MTSS1: variants seen among roughly 807,000 people sequenced by gnomAD.
MTSS1 encodes MTSS I-BAR domain containing 1.
In MTSS1, 18 loss-of-function variants were observed where a neutral mutation model predicts 79.0. That is an observed-to-expected ratio of 0.23 (90% CI 0.16 to 0.34). The LOEUF (loss-of-function observed/expected upper bound fraction) is 0.34. Ranked by LOEUF, MTSS1 falls within the 10% of genes least tolerant of loss-of-function variation. The pLI is 1.00. For missense variants in MTSS1, 815 were observed against 986.2 expected (o/e 0.83, Z 2.33); for synonymous variants, 341 against 368.6 (o/e 0.93, Z 0.86).
intron 3 of MTSS1, among the ~76,000 whole-genome samples, chr8:124,693,733 T>C: frequency 6.6e-6 from 1 of 152,180 alleles, no homozygotes; most frequent in East Asian, 1.9e-4. Context: ...CCTTTTCTCT[T>C]CTAACCTTCT....
intron 6 of MTSS1, among the ~76,000 whole-genome samples, chr8:124,583,361 G>A (rs1360725593): frequency 6.6e-6 from 1 of 152,164 alleles, no homozygotes; most frequent in Non-Finnish European, 1.5e-5. Flanking sequence ...ATCCAGCCTT[G>A]ATAGGGAGCT....
At chr8:124,696,080 C>T (rs1289083492) in intron 3 of MTSS1, among the ~76,000 whole-genome samples, 4 of 152,096 alleles carry the variant, frequency 2.6e-5, no homozygotes, top group South Asian at 2.1e-4. Context: ...CTCCACCTCC[C>T]GAGTTCAAGC....
chr8:124,696,590 C>T (rs1828860921), intron 3 of MTSS1, among the ~76,000 whole-genome samples: 1 of 152,080 alleles, frequency 6.6e-6, no homozygotes, highest in African/African-American at 2.4e-5. Flanking sequence ...CGGTGGCTCC[C>T]GCCTGTAATC....
rs368346561 is a variant in MTSS1, at chr8:124,728,018, G to A, written c.-63C>T. 7.3e-4 allele frequency: 1,074 copies of A among 1,481,058 alleles called. 1 individual carries two copies. The highest frequency in any genetic ancestry group is 8.7e-4 in the Non-Finnish European group (932 of 1,069,522). The allele number at this position is 1,481,058 out of a possible 1,614,324, so 91.7% of individuals were successfully genotyped here. A position where few individuals can be genotyped will look rare whatever the true frequency, so the allele number is the denominator to read the frequency against. On this transcript the variant is annotated 5_prime_UTR_variant, in exon 1 of 14. Coordinates refer to ENST00000518547, the MANE Select transcript of MTSS1 (RefSeq NM_014751.6). The surrounding 1 kb of genome is among the most constrained non-coding windows in gnomAD (Gnocchi z 6.1). Reference sequence around the variant, plus strand: ...GCCGCTGGACTGCGCGCGGGGCCGGGGCTCGCTCACCCCAGAAGGAATTTC... The same window carrying A: ...GCCGCTGGACTGCGCGCGGGGCCGGAGCTCGCTCACCCCAGAAGGAATTTC...
At chr8:124,713,024 T>C (rs1831396089) in intron 1 of MTSS1, among the ~76,000 whole-genome samples, 1 of 152,204 alleles carries the variant, frequency 6.6e-6, no homozygotes, top group African/African-American at 2.4e-5. Flanking sequence ...GTCATTTTCT[T>C]AAGTTTTCCA....
chr8:124,587,757 G>T (rs752684598), intron 5 of MTSS1, among the ~76,000 whole-genome samples: 3 of 151,952 alleles, frequency 2.0e-5, no homozygotes, highest in Non-Finnish European at 4.4e-5. Context: ...CACCCGCCTC[G>T]GCCTCCCAAA....
chr8:124,704,042 C>A, intron 2 of MTSS1, 88 bp downstream of exon 2: 3 of 1,202,434 alleles, frequency 2.5e-6, no homozygotes, highest in Middle Eastern at 2.0e-4. Flanking sequence ...CCTGAATCAA[C>A]CCTAATCAAT....
intron 3 of MTSS1, among the ~76,000 whole-genome samples, chr8:124,698,557 G>T (rs1387116846): frequency 2.0e-5 from 3 of 149,966 alleles, no homozygotes; most frequent in East Asian, 3.9e-4. Context: ...CGTTGCCCAG[G>T]CTGGAGTGCA....
At chr8:124,557,308 C>T (rs1263067199) in intron 11 of MTSS1, among the ~76,000 whole-genome samples, 1 of 152,174 alleles carries the variant, frequency 6.6e-6, no homozygotes, top group Non-Finnish European at 1.5e-5. Context: ...AAGCTCTGAT[C>T]ATGCTGACAC....
intron 7 of MTSS1, among the ~76,000 whole-genome samples, chr8:124,567,398 A>G (rs571909001): frequency 6.6e-6 from 1 of 152,358 alleles, no homozygotes; most frequent in East Asian, 1.9e-4. Flanking sequence ...ACCTGTGCAC[A>G]GGGGACAGTG....
chr8:124,590,134 C>G (rs375332780), intron 4 of MTSS1, among the ~76,000 whole-genome samples: 2 of 152,190 alleles, frequency 1.3e-5, no homozygotes, highest in Admixed American at 1.3e-4. Context: ...GGATTACAGG[C>G]GAGAGCCACC....
intron 9 of MTSS1, among the ~76,000 whole-genome samples, chr8:124,564,398 T>A (rs1435598046): frequency 6.6e-6 from 1 of 152,146 alleles, no homozygotes; most frequent in Admixed American, 6.5e-5. Flanking sequence ...CTAGAATTAC[T>A]TGGTGCAAAT....
Position 124,632,325 on chromosome 8 carries a change from C to T in MTSS1, c.209-41090G>A, listed in dbSNP as rs192199477. Among the ~76,000 whole-genome samples, 279 of 149,950 alleles carry T rather than the reference C, an allele frequency of 1.9e-3. 1 individual carries two copies. Among genetic ancestry groups the T allele is most frequent in the Non-Finnish European group, 1.8e-3 (124 of 67,692 alleles). On this transcript the variant is annotated intron_variant, in intron 3 of 13. Coordinates refer to ENST00000518547, the MANE Select transcript of MTSS1 (RefSeq NM_014751.6). ...GTAAGGAACAAGTTTCTCAATCCTG[C>T]CTTTTATTAACACATACATAGGTCA...
chr8:124,674,918 T>C (rs965730246), intron 3 of MTSS1, among the ~76,000 whole-genome samples: 3 of 152,060 alleles, frequency 2.0e-5, no homozygotes, highest in Non-Finnish European at 1.5e-5. Context: ...GACGGGGTTT[T>C]ACCATGTTGG....
intron 3 of MTSS1, among the ~76,000 whole-genome samples, chr8:124,629,768 C>T (rs1815531713): frequency 6.6e-6 from 1 of 152,176 alleles, no homozygotes; most frequent in Admixed American, 6.5e-5. Context: ...AGGGTTCTCT[C>T]TCCCAGACAC....
At position 124,617,561 on chromosome 8, in the gene MTSS1, C is replaced by T. The variant is rs757339589; in HGVS notation, c.209-26326G>A. ...ATTTTCAAGAGAATAATTTTTTATA[C>T]GGCAGCAACCCCCTATTTTAATTTG... is the stretch of plus-strand genomic sequence containing the variant. On this transcript the variant is annotated intron_variant, in intron 3 of 13. Transcript: ENST00000518547. 1.8e-4 allele frequency among the ~76,000 whole-genome samples: 28 copies of T among 152,236 alleles called. 1 individual carries two copies. Among genetic ancestry groups the T allele is most frequent in the Middle Eastern group, 6.8e-3 (2 of 294 alleles).
chr8:124,686,805 T>C (rs1383049392), intron 3 of MTSS1, among the ~76,000 whole-genome samples: 1 of 152,160 alleles, frequency 6.6e-6, no homozygotes, highest in Non-Finnish European at 1.5e-5. Context: ...GGTGTTTCCA[T>C]AAACTGATCC....
At chr8:124,632,279 CAA>C (rs59976165) in intron 3 of MTSS1, among the ~76,000 whole-genome samples, 8 of 69,156 alleles carry the variant, frequency 1.2e-4, no homozygotes, top group Non-Finnish European at 1.5e-4. Flanking sequence ...GACTCTGTCT[CAA>C]AAAAAAAAAA....
At chr8:124,564,582 G>C (rs1005424686) in intron 9 of MTSS1, among the ~76,000 whole-genome samples, 43 of 151,920 alleles carry the variant, frequency 2.8e-4, no homozygotes, top group African/African-American at 1.0e-3. Context: ...AGTGCAACAT[G>C]GTTTTCTACT....
Sources: allele counts gnomAD v4.1 joint callset (sites outside exome capture counted in the v4.1 genomes callset), GRCh38; gene constraint gnomAD v4.1.1; non-coding constraint Gnocchi (gnomAD v3.1); transcripts MANE v1.5; gene names NCBI Gene and HGNC (gene_info 2026-07-23, HGNC 2026-07-21).